Variants in LRP1B observed in about 807,000 individuals in gnomAD.
The protein encoded by LRP1B is LDL receptor related protein 1B.
In LRP1B, 217 loss-of-function variants were observed where a neutral mutation model predicts 556.6. The observed-to-expected ratio is 0.39, with a 90% CI of 0.35 to 0.44. LRP1B has a LOEUF of 0.44. Ranked by LOEUF, LRP1B falls within the 20% of genes least tolerant of loss-of-function variation. LRP1B has a pLI of 1.00. For synonymous variants in LRP1B, 2,047 were observed against 1,865.8 expected (o/e 1.10, Z -2.50); for missense variants, 5,053 against 5,620.8 (o/e 0.90, Z 3.23).
chr2:142,011,429 G>A (rs777873728), intron 1 of LRP1B, among the ~76,000 whole-genome samples: 17 of 152,130 alleles, frequency 1.1e-4, no homozygotes, highest in Non-Finnish European at 1.5e-4. Flanking sequence ...ATCAGAAAGC[G>A]TAGTAACCCC....
intron 1 of LRP1B, among the ~76,000 whole-genome samples, chr2:142,106,762 T>C (rs1200129443): frequency 6.6e-6 from 1 of 152,088 alleles, no homozygotes; most frequent in Non-Finnish European, 1.5e-5. Flanking sequence ...AAAAATCTGA[T>C]AACAATACAA....
chr2:141,418,211 T>C (rs1052483011), intron 3 of LRP1B, among the ~76,000 whole-genome samples: 1 of 152,168 alleles, frequency 6.6e-6, no homozygotes, highest in Non-Finnish European at 1.5e-5. Context: ...GTTGATTGTT[T>C]CCTTGGTTGA....
chr2:142,130,520 C>T, intron 1 of LRP1B, 128 bp downstream of exon 1: 2 of 747,240 alleles, frequency 2.7e-6, no homozygotes, highest in South Asian at 1.9e-5. Flanking sequence ...GGCCAGCGCA[C>T]GGTGGTCACC....
intron 18 of LRP1B, among the ~76,000 whole-genome samples, chr2:140,980,304 G>T (rs1215807722): frequency 6.6e-6 from 1 of 152,036 alleles, no homozygotes; most frequent in Non-Finnish European, 1.5e-5. Flanking sequence ...CTGTGGAAAG[G>T]AATCAAGTTC....
rs1558890986 is a variant in LRP1B, at chr2:141,810,147, AAGAAAGAAAGAAAGAAAGAAGGAAAG to A, written c.205+106_205+131del. ...AAAGAAAGAAAGAAAGAAAGAAAGAAAGAAAGAAAGAAAGAAAGAAGGAAAGAAAGAAAGAAAGAATCATCTAGAAC... is the reference window on the plus strand; with the variant it reads ...AAAGAAAGAAAGAAAGAAAGAAAGAAAAAGAAAGAAAGAATCATCTAGAAC... On this transcript the variant is annotated intron_variant, in intron 2 of 90. Coordinates refer to ENST00000389484, the MANE Select transcript of LRP1B (RefSeq NM_018557.3). 1.7e-5 allele frequency: 8 copies of A among 475,174 alleles called. No homozygotes were observed. The African/African-American group carries it at 2.8e-4, about 16-fold the overall frequency. The allele number at this position is 475,174 out of a possible 1,614,324, so 29.4% of individuals were successfully genotyped here.
At chr2:141,113,540 A>G (rs934665900) in intron 7 of LRP1B, among the ~76,000 whole-genome samples, 5 of 152,132 alleles carry the variant, frequency 3.3e-5, no homozygotes, top group Admixed American at 2.0e-4. Context: ...TAGCATTTTA[A>G]TTCTATACTG....
rs187789372 is a variant in LRP1B at position 140,752,282 on chromosome 2, T to C, written c.5758+16931A>G. ...CTTAGCCACGGAATAAATAGAATTC[T>C]ACTAAATCTAATTCTGGGTAATTAT... On this transcript the variant is annotated intron_variant, in intron 35 of 90. Transcript: ENST00000389484. 5.5e-3 allele frequency among the ~76,000 whole-genome samples: 827 copies of C among 151,326 alleles called. 3 individuals are homozygous for C. Among genetic ancestry groups the C allele is most frequent in the Middle Eastern group, 0.014 (4 of 292 alleles).
chr2:141,315,298 C>T lies in LRP1B; in HGVS notation c.344-60657G>A, dbSNP rs187191276. 1.0e-3 allele frequency among the ~76,000 whole-genome samples: 107 copies of T among 104,898 alleles called. 3 individuals carry two copies. The East Asian group carries it at 0.032, about 31-fold the overall frequency. The allele number at this position is 104,898 out of a possible 152,430, so 68.8% of individuals were successfully genotyped here. A position where few individuals can be genotyped will look rare whatever the true frequency, so the allele number is the denominator to read the frequency against. On this transcript the variant is annotated intron_variant, in intron 3 of 90. Transcript: ENST00000389484. ...TTTTTGAGACTGAGTCTTGCTCTGT[C>T]GCCCAGGGTGGAGTGCAGTGGCGCG...
At chr2:141,756,143 C>T (rs866037339) in intron 2 of LRP1B, among the ~76,000 whole-genome samples, 8 of 152,086 alleles carry the variant, frequency 5.3e-5, no homozygotes, top group Middle Eastern at 3.2e-3. Context: ...TTACCTTCTT[C>T]TGCATCCCTT....
chr2:140,760,875 T>C (rs288107), intron 35 of LRP1B, among the ~76,000 whole-genome samples: 52,597 of 151,758 alleles, frequency 0.35, 9,435 homozygotes, highest in African/African-American at 0.44. Context: ...GGCGACACAG[T>C]GAGACTCTGT....
chr2:141,537,007 A>G (rs1390209480), intron 2 of LRP1B, among the ~76,000 whole-genome samples: 1 of 151,252 alleles, frequency 6.6e-6, no homozygotes, highest in Non-Finnish European at 1.5e-5. Flanking sequence ...AGAAAAGAAT[A>G]GGAAAAAGGA....
intron 2 of LRP1B, among the ~76,000 whole-genome samples, chr2:141,801,088 A>G (rs188257416): frequency 9.3e-4 from 141 of 152,284 alleles, no homozygotes; most frequent in Middle Eastern, 3.4e-3. Flanking sequence ...CTGTCAAATT[A>G]CATAGGCTTT....
At chr2:140,885,530 T>C (rs572891579) in intron 24 of LRP1B, among the ~76,000 whole-genome samples, 298 of 152,032 alleles carry the variant, frequency 2.0e-3, no homozygotes, top group African/African-American at 6.8e-3. Flanking sequence ...TTTGTATTTA[T>C]AGTAGAGATG....
At position 141,157,518 on chromosome 2, in the gene LRP1B, A is replaced by T. The variant is rs148557991; in HGVS notation, c.1013+30903T>A. On this transcript the variant is annotated intron_variant, in intron 7 of 90. Transcript: ENST00000389484. ...AGAGTCAGAAATGAAACAATGGCCC[A>T]TCTATCATTTTTATATTGTTTCGTA... Among the ~76,000 whole-genome samples the T allele has an allele frequency of 2.3e-3, 345 of 152,220 alleles. 2 individuals are homozygous for T. The highest frequency in any genetic ancestry group is 7.6e-3 in the African/African-American group (315 of 41,550).
At chr2:141,367,578 G>T (rs1273269695) in intron 3 of LRP1B, among the ~76,000 whole-genome samples, 11 of 132,268 alleles carry the variant, frequency 8.3e-5, no homozygotes, top group African/African-American at 3.2e-4. Context: ...CGCCTCCCCA[G>T]TTCTCACCAT....
At chr2:140,846,922 C>A (rs1692291280) in intron 29 of LRP1B, among the ~76,000 whole-genome samples, 1 of 152,144 alleles carries the variant, frequency 6.6e-6, no homozygotes, top group Non-Finnish European at 1.5e-5. Context: ...AAAGATATAT[C>A]CATCTTTAAC....
chr2:141,120,943 T>G (rs1358152592), intron 7 of LRP1B, among the ~76,000 whole-genome samples: 1 of 152,016 alleles, frequency 6.6e-6, no homozygotes, highest in Non-Finnish European at 1.5e-5. Context: ...TAATAGCTTC[T>G]GACAATGATA....
chr2:141,276,426 T>C (rs1049201566), intron 3 of LRP1B, among the ~76,000 whole-genome samples: 1 of 152,022 alleles, frequency 6.6e-6, no homozygotes, highest in African/African-American at 2.4e-5. Context: ...ACAGGTAGTT[T>C]TTCCATCTTG....
chr2:140,680,966 C>T (rs1685840338), intron 41 of LRP1B, among the ~76,000 whole-genome samples: 1 of 152,176 alleles, frequency 6.6e-6, no homozygotes, highest in African/African-American at 2.4e-5. Flanking sequence ...AAAGGCAGTG[C>T]TGTGTGAAAT....
Sources: allele counts gnomAD v4.1 joint callset (sites outside exome capture counted in the v4.1 genomes callset), GRCh38; gene constraint gnomAD v4.1.1; transcripts MANE v1.5; gene names NCBI Gene and HGNC (gene_info 2026-07-23, HGNC 2026-07-21).